Variants in LOXHD1 observed in about 807,000 individuals in gnomAD.
LOXHD1 encodes the protein lipoxygenase homology domain-containing protein 1.
In LOXHD1, 205 loss-of-function variants were observed where a neutral mutation model predicts 248.2. The ratio of observed to expected loss-of-function variants is 0.83; its 90% CI spans 0.74 to 0.93. The LOEUF (loss-of-function observed/expected upper bound fraction) is 0.93. Among genes scored for constraint, LOXHD1 ranks in the 40% least tolerant of loss-of-function variants. The pLI is 0.00. For synonymous variants in LOXHD1, 1,113 were observed against 1,162.8 expected (o/e 0.96, Z 0.87); for missense variants, 2,930 against 2,971.6 (o/e 0.99, Z 0.33).
chr18:46,507,815 C>G, intron 35 of LOXHD1, 103 bp from the exon 36 acceptor site: 1 of 1,276,064 alleles, frequency 7.8e-7, no homozygotes, highest in Non-Finnish European at 1.1e-6. Flanking sequence ...CCTGGAGATC[C>G]CAGACCTGAG....
chr18:46,603,208 A>G (rs2038364573), intron 7 of LOXHD1, among the ~76,000 whole-genome samples: 1 of 152,142 alleles, frequency 6.6e-6, no homozygotes, highest in Admixed American at 6.5e-5. Flanking sequence ...AGAGGCAGAA[A>G]GAAGAGAAAA....
chr18:46,558,343 T>C (rs963663924), intron 20 of LOXHD1, among the ~76,000 whole-genome samples: 17 of 152,246 alleles, frequency 1.1e-4, no homozygotes, highest in African/African-American at 4.1e-4. Context: ...TATTCTCATA[T>C]AATCACACTA....
rs8094925 is a variant in LOXHD1, at chr18:46,533,787, G to A, written c.4213-463C>T. ...AACAAAATATAAAAATTAGTCGGGC[G>A]TGGTGGCGTGCGCCTGTAGTCCTAG... On this transcript the variant is annotated intron_variant, in intron 27 of 40. Coordinates refer to ENST00000642948, the MANE Select transcript of LOXHD1 (RefSeq NM_001384474.1). 9.7e-3 allele frequency: 2,682 copies of A among 275,380 alleles called. 71 individuals are homozygous for A. Among genetic ancestry groups the A allele is most frequent in the African/African-American group, 0.057 (2,486 of 43,320 alleles). The allele number at this position is 275,380 out of a possible 1,614,324, so 17.1% of individuals were successfully genotyped here. A position where few individuals can be genotyped will look rare whatever the true frequency, so the allele number is the denominator to read the frequency against.
At chr18:46,492,203 G>A (rs2033534357) in intron 37 of LOXHD1, among the ~76,000 whole-genome samples, 2 of 152,208 alleles carry the variant, frequency 1.3e-5, no homozygotes, top group Admixed American at 1.3e-4. Flanking sequence ...AGACTCACAG[G>A]TACAGCATGG....
In LOXHD1 at chr18:46,529,300, C is replaced by A. The variant is rs1171297100; in HGVS notation, c.4407G>T (p.Gly1469=). The A allele has an allele frequency of 6.4e-7, 1 of 1,551,304 alleles. No homozygotes were observed. Among genetic ancestry groups the A allele is most frequent in the East Asian group, 2.4e-5 (1 of 40,900 alleles). ...CATCCGTCCCTGCCCCAGGAATGTT[C>A]CCTGTGAAGATCTGCACCGAGTACA... The part of the protein sequence containing the change: ...IVLYSVQIFT[G]NIPGAGTDAK... Residue 1469 remains glycine (G), a synonymous_variant, in exon 29 of 41, where the codon GGG becomes GGT. Transcript: ENST00000642948.
chr18:46,524,838 C>T lies in LOXHD1; in HGVS notation c.4610G>A (p.Cys1537Tyr), dbSNP rs2035752483. 3 of 1,551,784 alleles carry T rather than the reference C, an allele frequency of 1.9e-6. No individual in the cohort carries two copies. Among genetic ancestry groups the T allele is most frequent in the Non-Finnish European group, 2.6e-6 (3 of 1,147,010 alleles). ...CACCTTCTCCACGTACCAGTCTGCG[C>T]ACCACTTGGAGTTGTCATGGCGGAG... The part of the protein sequence containing the change: ...IKLRHDNSKW[C>Y]ADWYVEKVEI... Residue 1537 changes from cysteine (C) to tyrosine (Y), a missense_variant, in exon 30 of 41, where the codon TGC (cysteine) becomes TAC (tyrosine). Coordinates refer to ENST00000642948, the MANE Select transcript of LOXHD1 (RefSeq NM_001384474.1).
chr18:46,630,303 G>A (rs923677308), intron 4 of LOXHD1, among the ~76,000 whole-genome samples: 1 of 152,234 alleles, frequency 6.6e-6, no homozygotes, highest in Non-Finnish European at 1.5e-5. Context: ...AGGCAGTATG[G>A]TGTGGGCTCA....
At chr18:46,552,163 G>A (rs182419321) in intron 21 of LOXHD1, among the ~76,000 whole-genome samples, 1 of 152,274 alleles carries the variant, frequency 6.6e-6, no homozygotes, top group African/African-American at 2.4e-5. Context: ...CTATTGAACT[G>A]TACACTTAAA....
intron 26 of LOXHD1, among the ~76,000 whole-genome samples, chr18:46,536,402 C>T (rs1431784814): frequency 6.6e-6 from 1 of 151,980 alleles, no homozygotes; most frequent in Non-Finnish European, 1.5e-5. Flanking sequence ...AAGGGAAGTG[C>T]AGAGAGAGGG....
intron 4 of LOXHD1, among the ~76,000 whole-genome samples, chr18:46,629,249 G>A (rs1182495413): frequency 3.9e-5 from 6 of 152,214 alleles, no homozygotes; most frequent in Admixed American, 3.9e-4. Flanking sequence ...TGGTGGCAAA[G>A]CCAGAACCAG....
chr18:46,594,244 C>G (rs1486514261), intron 9 of LOXHD1, 87 bp downstream of exon 9: 1 of 1,510,082 alleles, frequency 6.6e-7, no homozygotes, highest in East Asian at 2.5e-5. Context: ...GTGGACTGCC[C>G]TCATAGCTTT....
chr18:46,619,503 C>T (rs540073639), intron 4 of LOXHD1, among the ~76,000 whole-genome samples: 1 of 152,322 alleles, frequency 6.6e-6, no homozygotes, highest in Non-Finnish European at 1.5e-5. Context: ...GGGAGCAGGA[C>T]TTCCTTCTCC....
Position 46,505,973 on chromosome 18 carries a change from C to T in LOXHD1, c.5743G>A (p.Asp1915Asn). 6.4e-7 allele frequency: 1 copy of T among 1,552,224 alleles called. No homozygotes were observed. ...TGCTTCAGGGCCAGTGTCCCACTATCCCCGTTCTCCCCGAAGATGATGATG... is the reference window on the plus strand; with the variant it reads ...TGCTTCAGGGCCAGTGTCCCACTATTCCCGTTCTCCCCGAAGATGATGATG... ...VFIIIFGENG[D>N]SGTLALKQSA... The change falls in exon 37 of 41, where the codon GAT becomes AAT. Residue 1915 changes from aspartate (D) to asparagine (N), a missense_variant. Asp to Asn is a conservative substitution (Grantham distance 23). Coordinates refer to ENST00000642948, the MANE Select transcript of LOXHD1 (RefSeq NM_001384474.1).
Position 46,529,336 on chromosome 18 carries a change from GC to G in LOXHD1, c.4376-6del. 6.5e-7 allele frequency: 1 copy of G among 1,533,860 alleles called. No homozygotes were observed. On this transcript the variant is annotated splice_region_variant and splice_polypyrimidine_tract_variant and intron_variant, in intron 28 of 40. Coordinates refer to ENST00000642948, the MANE Select transcript of LOXHD1 (RefSeq NM_001384474.1). The stretch of plus-strand genomic sequence containing the variant: ...TCTGCACCGAGTACAGCACAACTGG[GC>G]AGGTGGTGGGACAGACAGACAGACA...
chr18:46,614,316 A>G (rs2038552100), intron 5 of LOXHD1, among the ~76,000 whole-genome samples: 1 of 152,138 alleles, frequency 6.6e-6, no homozygotes, highest in African/African-American at 2.4e-5. Context: ...CTTGGAAACA[A>G]CCCAAATGTT....
chr18:46,569,273 T>A (rs2037703504), intron 16 of LOXHD1, among the ~76,000 whole-genome samples, 169 bp downstream of exon 16: 1 of 152,186 alleles, frequency 6.6e-6, no homozygotes, highest in Admixed American at 6.5e-5. Flanking sequence ...ACTACACACC[T>A]CACTCACTAT....
At chr18:46,609,185 G>T (rs2038467974) in intron 6 of LOXHD1, among the ~76,000 whole-genome samples, 1 of 152,170 alleles carries the variant, frequency 6.6e-6, no homozygotes, top group African/African-American at 2.4e-5. Flanking sequence ...GCTATCATGT[G>T]CTCATGAGGC....
At chr18:46,569,708 GT>G (rs2037715172) in intron 15 of LOXHD1, 70 bp from the exon 16 acceptor site, 2 of 1,244,320 alleles carry the variant, frequency 1.6e-6, no homozygotes, top group Non-Finnish European at 2.2e-6. Flanking sequence ...CAGGGTGCGT[GT>G]ATAGGAGGGC....
At chr18:46,548,074 C>T (rs2036925782) in intron 21 of LOXHD1, among the ~76,000 whole-genome samples, 1 of 152,254 alleles carries the variant, frequency 6.6e-6, no homozygotes, top group Non-Finnish European at 1.5e-5. Context: ...AGCATTGCTA[C>T]TGCTATTGTC....
Sources: allele counts gnomAD v4.1 joint callset (sites outside exome capture counted in the v4.1 genomes callset), GRCh38; gene constraint gnomAD v4.1.1; transcripts MANE v1.5; gene names NCBI Gene and HGNC (gene_info 2026-07-23, HGNC 2026-07-21).